Variants in EVC2 observed in about 807,000 individuals in gnomAD.
The protein encoded by EVC2 is EvC ciliary complex subunit 2.
EVC2 carries 148 observed loss-of-function variants against 149.3 expected under a neutral mutation model. The ratio of observed to expected loss-of-function variants is 0.99; its 90% CI spans 0.87 to 1.14. The LOEUF (loss-of-function observed/expected upper bound fraction) is 1.14, where lower values mean the gene tolerates loss of function less well. Among genes scored for constraint, EVC2 ranks in the 50% most tolerant of loss-of-function variants. The pLI is 0.00. For synonymous variants in EVC2, 776 were observed against 649.9 expected (o/e 1.19, Z -2.95); for missense variants, 1,854 against 1,627.3 (o/e 1.14, Z -2.40).
At chr4:5,537,502 T>C in the EVC2 span, among the ~76,000 whole-genome samples, 1 of 152,200 alleles carries the variant, frequency 6.6e-6, no homozygotes, top group African/African-American at 2.4e-5. Context: ...CTTGTCTCAA[T>C]AGTGGGGAAT....
intron 7 of EVC2, among the ~76,000 whole-genome samples, chr4:5,669,515 C>T (rs932571916): frequency 1.3e-5 from 2 of 152,192 alleles, no homozygotes; most frequent in Non-Finnish European, 2.9e-5. Flanking sequence ...GTCCTAATCT[C>T]CCACACCATG....
intron 9 of EVC2, among the ~76,000 whole-genome samples, chr4:5,642,025 T>C (rs568013520): frequency 1.3e-5 from 2 of 151,622 alleles, no homozygotes; most frequent in Admixed American, 6.6e-5. Context: ...CACTTATGAG[T>C]GAGAACATGC....
At chr4:5,669,338 C>G (rs991201007) in intron 7 of EVC2, among the ~76,000 whole-genome samples, 1 of 152,174 alleles carries the variant, frequency 6.6e-6, no homozygotes, top group Non-Finnish European at 1.5e-5. Flanking sequence ...CGTATCATCC[C>G]TGTTCTACTG....
chr4:5,569,924 G>A lies in EVC2; in HGVS notation c.3361-1284C>T, dbSNP rs1372945569. Among the ~76,000 whole-genome samples, 1 of 152,122 alleles carries A rather than the reference G, an allele frequency of 6.6e-6. No individual in the cohort carries two copies. Among genetic ancestry groups the A allele is most frequent in the Non-Finnish European group, 1.5e-5 (1 of 68,010 alleles). ...CACACTGAAATACTTGTTCTTCCCT[G>A]ACCGTCCTGCTCGCCCAGGCCACTG... On this transcript the variant is annotated intron_variant, in intron 19 of 21. Coordinates refer to ENST00000344408, the MANE Select transcript of EVC2 (RefSeq NM_147127.5). The surrounding 1 kb of genome is among the most constrained non-coding windows in gnomAD (Gnocchi z 4.8).
At chr4:5,705,761 AAAGT>A (rs1284884819) in intron 1 of EVC2, among the ~76,000 whole-genome samples, 1 of 152,096 alleles carries the variant, frequency 6.6e-6, no homozygotes, top group East Asian at 1.9e-4. Context: ...ATGAGTAGAA[AAAGT>A]AAGTAATACC....
downstream of EVC2, among the ~76,000 whole-genome samples, chr4:5,560,786 C>T (rs913489994): frequency 8.6e-5 from 13 of 152,008 alleles, no homozygotes; most frequent in Non-Finnish European, 1.5e-4. This position sits in a 1 kb window ranked among gnomAD's most constrained non-coding sequence, Gnocchi z 4.1. Context: ...CTGTAAAGTA[C>T]GACATTAGGA....
At chr4:5,529,433 C>G in the EVC2 span, among the ~76,000 whole-genome samples, 1 of 152,178 alleles carries the variant, frequency 6.6e-6, no homozygotes, top group Non-Finnish European at 1.5e-5. This position sits in a 1 kb window ranked among gnomAD's most constrained non-coding sequence, Gnocchi z 4.5. Flanking sequence ...CCGAAGAATC[C>G]TTTCCTTATT....
At chr4:5,705,063 C>G (rs1408034464) in intron 1 of EVC2, among the ~76,000 whole-genome samples, 1 of 152,156 alleles carries the variant, frequency 6.6e-6, no homozygotes, top group Non-Finnish European at 1.5e-5. Flanking sequence ...AGTAATTACA[C>G]AGTGTAACAG....
At chr4:5,663,066 C>G (rs764055957) in intron 9 of EVC2, 41 bp downstream of exon 9, 1 of 1,612,024 alleles carries the variant, frequency 6.2e-7, no homozygotes, top group East Asian at 2.2e-5. Flanking sequence ...TTAAAACATT[C>G]ATCACATGTG....
At chr4:5,539,648 G>A (rs1327823664), downstream of EVC2, among the ~76,000 whole-genome samples, 1 of 152,162 alleles carries the variant, frequency 6.6e-6, no homozygotes, top group East Asian at 1.9e-4. Flanking sequence ...GTATATGACT[G>A]ATTTTCAACA....
chr4:5,613,014 T>C lies in EVC2; in HGVS notation c.2829+2408A>G, dbSNP rs1339743601. On this transcript the variant is annotated intron_variant, in intron 16 of 21. Coordinates refer to ENST00000344408, the MANE Select transcript of EVC2 (RefSeq NM_147127.5). This position sits in a 1 kb window ranked among gnomAD's most constrained non-coding sequence, Gnocchi z 4.6. Reference sequence around the variant, plus strand: ...GGCCAGGGAGGGGTTATGGAGGGTGTTGAGGTCCAGCCTTGAGCCACTGGG... The same window carrying C: ...GGCCAGGGAGGGGTTATGGAGGGTGCTGAGGTCCAGCCTTGAGCCACTGGG... 1.3e-5 allele frequency among the ~76,000 whole-genome samples: 2 copies of C among 150,590 alleles called. No homozygotes were observed. Among genetic ancestry groups the C allele is most frequent in the South Asian group, 2.1e-4 (1 of 4,738 alleles).
At chr4:5,552,668 G>C (rs1721763029) in intron 21 of EVC2, among the ~76,000 whole-genome samples, 1 of 152,292 alleles carries the variant, frequency 6.6e-6, no homozygotes, top group East Asian at 1.9e-4. Flanking sequence ...AGTTGCCTTT[G>C]ATTGGTGCCT....
chr4:5,665,473 T>G, intron 8 of EVC2, 42 bp downstream of exon 8: 1 of 1,613,374 alleles, frequency 6.2e-7, no homozygotes, highest in Non-Finnish European at 8.5e-7. Context: ...AACTTCAACC[T>G]CACATTCACC....
At chr4:5,634,207 T>A (rs1716744696) in intron 10 of EVC2, among the ~76,000 whole-genome samples, 1 of 152,236 alleles carries the variant, frequency 6.6e-6, no homozygotes, top group African/African-American at 2.4e-5. Flanking sequence ...GCTGATTTTA[T>A]AACAAAGGAT....
downstream of EVC2, among the ~76,000 whole-genome samples, chr4:5,541,859 C>T (rs10937649): frequency 0.097 from 14,734 of 152,208 alleles, 879 homozygotes; most frequent in South Asian, 0.28. Context: ...GAACAGGACA[C>T]AGTCCCTGCC....
chr4:5,706,799 G>T (rs546237344), intron 1 of EVC2, among the ~76,000 whole-genome samples: 1 of 152,250 alleles, frequency 6.6e-6, no homozygotes, highest in Non-Finnish European at 1.5e-5. Flanking sequence ...CAGGGCCAGG[G>T]CCCAGGGGAC....
intron 1 of EVC2, chr4:5,708,053 C>G (rs1328316131): frequency 5.7e-5 from 24 of 418,492 alleles, no homozygotes; most frequent in Non-Finnish European, 9.6e-5. Flanking sequence ...GAACCAGGGT[C>G]GCTGGTGAAG....
At chr4:5,655,018 G>A (rs986820937) in intron 9 of EVC2, among the ~76,000 whole-genome samples, 8 of 152,178 alleles carry the variant, frequency 5.3e-5, no homozygotes, top group Admixed American at 2.0e-4. Context: ...TAGCGCTGAA[G>A]GAGAGCACAG....
At position 5,567,930 on chromosome 4, in the gene EVC2, G is replaced by C. The variant is rs192193936; in HGVS notation, c.3557+514C>G. Among the ~76,000 whole-genome samples, 1 of 152,210 alleles carries C rather than the reference G, an allele frequency of 6.6e-6. No homozygotes were observed. The highest frequency in any genetic ancestry group is 1.5e-5 in the Non-Finnish European group (1 of 68,042). On this transcript the variant is annotated intron_variant, in intron 20 of 21. Coordinates refer to ENST00000344408, the MANE Select transcript of EVC2 (RefSeq NM_147127.5). This position sits in a 1 kb window ranked among gnomAD's most constrained non-coding sequence, Gnocchi z 4.4. ...TACATAGGGGGATGTTTGCATGAGC[G>C]TTAAAAGGTAAGGAGCAAAATCGCT...
Sources: gnomAD v4.1 joint callset for allele counts (sites outside exome capture counted in the v4.1 genomes callset) on GRCh38, gnomAD v4.1.1 for gene constraint, Gnocchi (gnomAD v3.1) non-coding constraint, MANE v1.5 for transcripts, NCBI Gene and HGNC (gene_info 2026-07-23, HGNC 2026-07-21) for gene names.